Variants in DGKI observed in about 807,000 individuals in gnomAD.
DGKI encodes the protein diacylglycerol kinase iota, also known as DAG kinase iota.
Under a neutral mutation model 147.5 loss-of-function variants are expected in DGKI, and 55 were observed. That is an observed-to-expected ratio of 0.37 (90% confidence interval 0.30 to 0.47). The LOEUF (loss-of-function observed/expected upper bound fraction) is 0.47. DGKI is among the 20% of genes least tolerant of loss of function. The pLI is 1.00. For missense variants in DGKI, 1,007 were observed against 1,323.8 expected (o/e 0.76, Z 3.71); for synonymous variants, 469 against 477.1 (o/e 0.98, Z 0.22).
intron 32 of DGKI, among the ~76,000 whole-genome samples, chr7:137,395,162 TGGCACCCATATAAGG>T (rs1811502715): frequency 6.6e-6 from 1 of 152,212 alleles, no homozygotes; most frequent in Admixed American, 6.5e-5. Flanking sequence ...AGAATCCCTT[TGGCACCCATATAAGG>T]GGCCATATAA....
chr7:137,644,803 T>C (rs1821768237), intron 6 of DGKI, among the ~76,000 whole-genome samples: 1 of 152,146 alleles, frequency 6.6e-6, no homozygotes, highest in African/African-American at 2.4e-5. Flanking sequence ...ATCCTTAAAG[T>C]AGATCTTTGT....
At chr7:137,779,562 C>T (rs190335557) in intron 1 of DGKI, among the ~76,000 whole-genome samples, 17 of 152,208 alleles carry the variant, frequency 1.1e-4, no homozygotes, top group Non-Finnish European at 2.1e-4. Flanking sequence ...AACCATGAAT[C>T]TGATAATCGA....
At chr7:137,641,223 C>A (rs1821612992) in intron 6 of DGKI, among the ~76,000 whole-genome samples, 1 of 152,170 alleles carries the variant, frequency 6.6e-6, no homozygotes, top group Non-Finnish European at 1.5e-5. Flanking sequence ...GAAGCCTCCC[C>A]AGCCACGTGG....
At chr7:137,731,059 A>G in intron 1 of DGKI, among the ~76,000 whole-genome samples, 1 of 151,980 alleles carries the variant, frequency 6.6e-6, no homozygotes. Context: ...CCCTCCTGCT[A>G]TTCCTTTTAC....
chr7:137,747,111 A>T (rs1178542232), intron 1 of DGKI, among the ~76,000 whole-genome samples: 6 of 151,768 alleles, frequency 4.0e-5, no homozygotes, highest in Non-Finnish European at 5.9e-5. Context: ...GTGTAATCCT[A>T]TTTTTTTTAA....
chr7:137,517,505 G>T (rs900932967), intron 21 of DGKI, among the ~76,000 whole-genome samples: 3 of 152,006 alleles, frequency 2.0e-5, no homozygotes, highest in Admixed American at 6.6e-5. Context: ...ATGCAATATG[G>T]TATCCTAGAT....
intron 30 of DGKI, among the ~76,000 whole-genome samples, chr7:137,406,076 G>A (rs749969886): frequency 1.1e-4 from 16 of 152,270 alleles, no homozygotes; most frequent in Admixed American, 2.6e-4. Flanking sequence ...CAGAGAGAGG[G>A]TAGGTGGGCA....
chr7:137,707,720 G>A (rs1347705064), intron 1 of DGKI, among the ~76,000 whole-genome samples: 1 of 152,278 alleles, frequency 6.6e-6, no homozygotes, highest in East Asian at 1.9e-4. Context: ...AGAAGCAGAA[G>A]CCACTTTACT....
In DGKI at chr7:137,463,629, A is replaced by C. The variant is rs1814538587; in HGVS notation, c.2613-18T>G. On this transcript the variant is annotated intron_variant, in intron 26 of 32. Transcript: ENST00000614521. ...CTGAGATCCTGAGAGAAAGAAGGGC[A>C]CCAGACAGTTAAACATTCAAAGTCA... 1 of 1,612,146 alleles carries C rather than the reference A, an allele frequency of 6.2e-7. No homozygotes were observed. The highest frequency in any genetic ancestry group is 8.5e-7 in the Non-Finnish European group (1 of 1,178,942).
At chr7:137,733,596 C>T (rs1273047486) in intron 1 of DGKI, among the ~76,000 whole-genome samples, 1 of 152,026 alleles carries the variant, frequency 6.6e-6, no homozygotes, top group Non-Finnish European at 1.5e-5. Context: ...ACATCAGGTA[C>T]TCTACTAAGC....
intron 3 of DGKI, among the ~76,000 whole-genome samples, chr7:137,673,639 AC>A (rs1822929560): frequency 1.3e-5 from 2 of 152,186 alleles, no homozygotes; most frequent in African/African-American, 2.4e-5. Flanking sequence ...AGGTTTTCAA[AC>A]CCAGGTCAGT....
chr7:137,674,127 C>T (rs1585356165), intron 3 of DGKI, among the ~76,000 whole-genome samples: 2 of 152,098 alleles, frequency 1.3e-5, no homozygotes, highest in East Asian at 3.8e-4. Context: ...TTATCTAGAC[C>T]AGAAAAAGAA....
Position 137,578,279 on chromosome 7 carries a change from G to T in DGKI, c.1689C>A (p.Phe563Leu). The T allele has an allele frequency of 6.2e-7, 1 of 1,610,230 alleles. No individual in the cohort carries two copies. Among genetic ancestry groups the T allele is most frequent in the Non-Finnish European group, 8.5e-7 (1 of 1,176,528 alleles). ...TAAAATGTATACCTACCCCTGCATAGAACATTTTATTTCGAAAACGACTGT... is the reference window on the plus strand; with the variant it reads ...TAAAATGTATACCTACCCCTGCATATAACATTTTATTTCGAAAACGACTGT... ...KFNSRFRNKM[F>L]YAGAAFSDFL... is the part of the protein sequence containing the mutation. Residue 563 changes from phenylalanine to leucine, a missense_variant, in exon 16 of 33, where the codon TTC (phenylalanine) becomes TTA (leucine). Around this residue, in one of 5 missense-constraint regions of DGKI, gnomAD observed 224 missense variants for 382.7 expected, o/e 0.59. Transcript: ENST00000614521.
intron 29 of DGKI, among the ~76,000 whole-genome samples, chr7:137,409,877 G>C (rs1033354741): frequency 2.6e-5 from 4 of 151,300 alleles, no homozygotes; most frequent in East Asian, 1.9e-4. Context: ...TCTATCTCTC[G>C]CTCTCTTTGT....
At chr7:137,505,949 C>T (rs556052518) in intron 21 of DGKI, among the ~76,000 whole-genome samples, 45 of 151,036 alleles carry the variant, frequency 3.0e-4, no homozygotes, top group African/African-American at 8.8e-4. Flanking sequence ...TAAAAAAAAC[C>T]ACCACCACCA....
chr7:137,540,600 C>T (rs1268262723), intron 20 of DGKI, among the ~76,000 whole-genome samples: 1 of 151,728 alleles, frequency 6.6e-6, no homozygotes, highest in African/African-American at 2.4e-5. Context: ...GTGGGAAGAT[C>T]ACTTGAACCC....
At chr7:137,467,889 T>C (rs1372411573) in intron 24 of DGKI, among the ~76,000 whole-genome samples, 1 of 150,452 alleles carries the variant, frequency 6.6e-6, no homozygotes, top group East Asian at 2.0e-4. Context: ...GAGGCTGAAG[T>C]AGGAGGATTG....
chr7:137,791,033 C>T (rs750086108), intron 1 of DGKI, among the ~76,000 whole-genome samples: 1 of 152,100 alleles, frequency 6.6e-6, no homozygotes, highest in Non-Finnish European at 1.5e-5. Context: ...AAGGCTTAAG[C>T]AACTCATTAG....
chr7:137,565,332 CA>C (rs1446063002), intron 19 of DGKI, among the ~76,000 whole-genome samples: 1 of 151,950 alleles, frequency 6.6e-6, no homozygotes, highest in African/African-American at 2.4e-5. Flanking sequence ...AGAAACACAT[CA>C]AATATAGTTA....
Sources: gnomAD v4.1 joint callset for allele counts (sites outside exome capture counted in the v4.1 genomes callset) on GRCh38, gnomAD v4.1.1 for gene constraint, gnomAD v4.1.1 regional missense constraint, MANE v1.5 for transcripts, NCBI Gene and HGNC (gene_info 2026-07-23, HGNC 2026-07-21) for gene names.